Variants in HELZ observed in about 807,000 individuals in gnomAD.
HELZ encodes ATP-dependent RNA helicase with zinc finger domain.
HELZ carries 23 observed loss-of-function variants against 218.2 expected under a neutral mutation model. The ratio of observed to expected loss-of-function variants is 0.11; its 90% CI spans 0.08 to 0.15. The LOEUF is 0.15. HELZ is among the 10% of genes least tolerant of loss of function. HELZ has a pLI of 1.00. For missense variants in HELZ, 1,813 were observed against 2,353.7 expected, an observed-to-expected ratio of 0.77 and a Z score of 4.75; for synonymous variants, 814 against 829.4, an observed-to-expected ratio of 0.98 and a Z score of 0.32.
chr17:67,079,416 A>C (rs181984230), intron 32 of HELZ, among the ~76,000 whole-genome samples: 1 of 152,230 alleles, frequency 6.6e-6, no homozygotes, highest in East Asian at 1.9e-4. Context: ...TACTTATGTA[A>C]TGTCTCATTT....
chr17:67,202,413 C>T (rs2040191143), intron 6 of HELZ, among the ~76,000 whole-genome samples: 1 of 152,100 alleles, frequency 6.6e-6, no homozygotes, highest in African/African-American at 2.4e-5. Context: ...ATCACTTGAG[C>T]CCAAGAGTTC....
At chr17:67,170,033 C>G (rs1183847795) in intron 13 of HELZ, among the ~76,000 whole-genome samples, 2 of 152,252 alleles carry the variant, frequency 1.3e-5, no homozygotes, top group Non-Finnish European at 2.9e-5. Flanking sequence ...CACACTGGAA[C>G]AGCAGTTGGG....
intron 5 of HELZ, among the ~76,000 whole-genome samples, chr17:67,212,855 T>TC (rs1342600510): frequency 2.0e-5 from 3 of 152,148 alleles, no homozygotes; most frequent in African/African-American, 7.2e-5. Context: ...ATCCCAGAAA[T>TC]GAGATTAGTG....
intron 28 of HELZ, among the ~76,000 whole-genome samples, chr17:67,113,868 T>A (rs1396596158): frequency 6.6e-6 from 1 of 152,212 alleles, no homozygotes; most frequent in Non-Finnish European, 1.5e-5. Context: ...GTGACTTGAT[T>A]TTCTCTAAGT....
chr17:67,145,595 C>T (rs1205028780), intron 21 of HELZ, 148 bp downstream of exon 21: 2 of 593,264 alleles, frequency 3.4e-6, no homozygotes, highest in Non-Finnish European at 5.7e-6. Context: ...CAATGTTATA[C>T]AAGAAAGAAT....
chr17:67,243,611 A>C (rs2041386531), intron 2 of HELZ, among the ~76,000 whole-genome samples, 173 bp downstream of exon 2: 1 of 152,360 alleles, frequency 6.6e-6, no homozygotes, highest in Non-Finnish European at 1.5e-5. Context: ...AGATTGGTAC[A>C]TTCAACATAT....
intron 3 of HELZ, among the ~76,000 whole-genome samples, chr17:67,230,548 G>A (rs1180817536): frequency 1.5e-5 from 2 of 133,276 alleles, no homozygotes; most frequent in Non-Finnish European, 3.0e-5. Context: ...AGTGAGCTAA[G>A]ATCGCGGCAT....
At chr17:67,141,633 T>C (rs1022649032) in intron 21 of HELZ, among the ~76,000 whole-genome samples, 9 of 151,996 alleles carry the variant, frequency 5.9e-5, no homozygotes, top group East Asian at 1.9e-4. Context: ...ATAGTTTCTA[T>C]AGCCCATTGG....
chr17:67,133,398 A>G (rs1264577957), intron 23 of HELZ, among the ~76,000 whole-genome samples: 1 of 152,236 alleles, frequency 6.6e-6, no homozygotes, highest in Non-Finnish European at 1.5e-5. Context: ...GATCTCATGC[A>G]ATTCACAGTA....
intron 27 of HELZ, among the ~76,000 whole-genome samples, chr17:67,116,411 C>T (rs943669918): frequency 6.6e-6 from 1 of 151,882 alleles, no homozygotes; most frequent in East Asian, 1.9e-4. Context: ...TATCAAGAGC[C>T]ACCTATATGT....
rs2039152780 is a variant in HELZ, at chr17:67,166,620, A to C, written c.1765-12T>G. On this transcript the variant is annotated splice_polypyrimidine_tract_variant and intron_variant, in intron 14 of 32. Transcript: ENST00000358691. ...AACTGAAGTTCAACCTGAAAGACAAAATGAATGTTTTAAAAACTGCATGAA... is the reference window on the plus strand; with the variant it reads ...AACTGAAGTTCAACCTGAAAGACAACATGAATGTTTTAAAAACTGCATGAA... 6.2e-7 allele frequency: 1 copy of C among 1,612,630 alleles called. No individual in the cohort carries two copies.
In HELZ at chr17:67,160,299, T is replaced by G; in HGVS notation, c.2139A>C (p.Pro713=). 1 of 1,612,500 alleles carries G rather than the reference T, an allele frequency of 6.2e-7. No homozygotes were observed. The highest frequency in any genetic ancestry group is 8.5e-7 in the Non-Finnish European group (1 of 1,178,822). Residue 713 remains proline (P), a synonymous_variant, in exon 17 of 33, where the codon CCA becomes CCC. Transcript: ENST00000358691. ...CCTGGGGATTGCCTGCTTCTACATA[T>G]GGATGTAAATAATCCTTTATGTAGA... ...ADLYIKDYLH[P]YVEAGNPQAR...
rs2040667793 is a variant in HELZ at position 67,218,619 on chromosome 17, G to A, written c.186C>T (p.Tyr62=). 5.6e-6 allele frequency: 9 copies of A among 1,614,074 alleles called. No individual in the cohort carries two copies. The highest frequency in any genetic ancestry group is 7.6e-6 in the Non-Finnish European group (9 of 1,179,938). The stretch of plus-strand genomic sequence containing the variant: ...CCAGTTGCAAAAATGAGGCAATTCT[G>A]TAGAGAAGACTCTCGATTTTGATGC... The part of the protein sequence containing the change: ...IERIKIESLL[Y]RIASFLQLKN... The change falls in exon 4 of 33, where the codon TAC becomes TAT. Residue 62 remains tyrosine, a synonymous_variant. Coordinates refer to ENST00000358691, the MANE Select transcript of HELZ (RefSeq NM_014877.4).
At chr17:67,083,210 C>T (rs978298946) in intron 32 of HELZ, among the ~76,000 whole-genome samples, 12 of 152,114 alleles carry the variant, frequency 7.9e-5, no homozygotes, top group African/African-American at 2.2e-4. Flanking sequence ...AGTTTAGAGG[C>T]AGTTTAACCT....
rs540696320 is a variant in HELZ, at chr17:67,082,865, T to G, written c.5494+3964A>C. ...TTTAACTGTTTTTTTTTTTTGTTTT[T>G]TTTTTTTTTGAGATGGAGTCTTGCT... On this transcript the variant is annotated intron_variant, in intron 32 of 32. Coordinates refer to ENST00000358691, the MANE Select transcript of HELZ (RefSeq NM_014877.4). Among the ~76,000 whole-genome samples the G allele has an allele frequency of 5.6e-3, 841 of 149,196 alleles. 5 individuals are homozygous for G. Among genetic ancestry groups the G allele is most frequent in the African/African-American group, 0.016 (663 of 40,878 alleles).
intron 6 of HELZ, among the ~76,000 whole-genome samples, chr17:67,202,891 A>C (rs921825601): frequency 6.6e-6 from 1 of 152,194 alleles, no homozygotes; most frequent in African/African-American, 2.4e-5. Flanking sequence ...TGGGAGGCCA[A>C]GGAGGGAGGA....
At chr17:67,150,727 C>T (rs1028719116) in intron 18 of HELZ, among the ~76,000 whole-genome samples, 1 of 152,142 alleles carries the variant, frequency 6.6e-6, no homozygotes, top group Admixed American at 6.5e-5. Context: ...ATCTGACCAA[C>T]TAGAGAATAA....
chr17:67,185,829 AAAG>A (rs745829655), intron 12 of HELZ, among the ~76,000 whole-genome samples: 1 of 152,216 alleles, frequency 6.6e-6, no homozygotes, highest in Non-Finnish European at 1.5e-5. Context: ...ATCAAACTAC[AAAG>A]AAGTCACTAA....
At chr17:67,109,736 T>C (rs1322171919) in intron 28 of HELZ, 50 bp from the exon 29 acceptor site, 1 of 1,419,138 alleles carries the variant, frequency 7.0e-7, no homozygotes, top group African/African-American at 1.4e-5. Context: ...TCAAATTCAG[T>C]TGCTCTCCAC....
Sources: gnomAD v4.1 joint callset for allele counts (sites outside exome capture counted in the v4.1 genomes callset) on GRCh38, gnomAD v4.1.1 for gene constraint, MANE v1.5 for transcripts, NCBI Gene and HGNC (gene_info 2026-07-23, HGNC 2026-07-21) for gene names.